Variants in NCOA2 observed in about 807,000 individuals in gnomAD.
The protein encoded by NCOA2 is nuclear receptor coactivator 2.
NCOA2 carries 21 observed loss-of-function variants against 145.1 expected under a neutral mutation model. The ratio of observed to expected loss-of-function variants is 0.14; its 90% CI spans 0.10 to 0.21. NCOA2 has a LOEUF of 0.21. NCOA2 is among the 10% of genes least tolerant of loss of function. The pLI is 1.00. For missense variants in NCOA2, 1,472 were observed against 1,837.6 expected (o/e 0.80, Z 3.64); for synonymous variants, 619 against 637.5 (o/e 0.97, Z 0.44).
intron 2 of NCOA2, among the ~76,000 whole-genome samples, chr8:70,271,611 CAT>C (rs1453712960): frequency 6.6e-6 from 1 of 152,212 alleles, no homozygotes; most frequent in African/African-American, 2.4e-5. Flanking sequence ...CCAGAGCTTA[CAT>C]GTTAGTGCTT....
chr8:70,289,215 T>C (rs1372787152), intron 2 of NCOA2, among the ~76,000 whole-genome samples: 3 of 152,186 alleles, frequency 2.0e-5, no homozygotes, highest in African/African-American at 7.2e-5. Context: ...AAAGGAAGAA[T>C]TAGTAATCTA....
intron 1 of NCOA2, among the ~76,000 whole-genome samples, chr8:70,402,766 G>T (rs1274248395): frequency 6.6e-6 from 1 of 151,686 alleles, no homozygotes; most frequent in East Asian, 1.9e-4. Flanking sequence ...GAACCTCCCG[G>T]TCCGCCTCCC....
intron 1 of NCOA2, among the ~76,000 whole-genome samples, chr8:70,396,665 G>T (rs1015771519): frequency 6.6e-6 from 1 of 152,150 alleles, no homozygotes; most frequent in African/African-American, 2.4e-5. Flanking sequence ...GACTAAAAAA[G>T]CTAGAGACTA....
At chr8:70,360,962 A>G (rs1230017129) in intron 1 of NCOA2, among the ~76,000 whole-genome samples, 3 of 151,594 alleles carry the variant, frequency 2.0e-5, no homozygotes, top group Admixed American at 6.6e-5. Context: ...AAAAAAAAAA[A>G]GTTACTTGTA....
intron 2 of NCOA2, among the ~76,000 whole-genome samples, chr8:70,271,073 G>T (rs941304509): frequency 6.6e-6 from 1 of 152,138 alleles, no homozygotes; most frequent in South Asian, 2.1e-4. Context: ...TAGAGGGGAA[G>T]ATATATGTTG....
chr8:70,159,602 C>T lies in NCOA2; in HGVS notation c.1027G>A (p.Asp343Asn). The T allele has an allele frequency of 6.2e-7, 1 of 1,612,728 alleles. No individual in the cohort carries two copies. The highest frequency in any genetic ancestry group is 8.5e-7 in the Non-Finnish European group (1 of 1,178,990). Residue 343 changes from aspartate (D) to asparagine (N), a missense_variant, in exon 10 of 23, where the codon GAT becomes AAT. This residue lies in a region of NCOA2 where 284 missense variants were observed against 467.8 expected (regional missense o/e 0.61). Transcript: ENST00000452400. Reference sequence around the variant, plus strand: ...GTTTGTGCAGCAACAAGAGTGCCATCAGACAAGGAAAAACGATAGATTTGA... The same window carrying T: ...GTTTGTGCAGCAACAAGAGTGCCATTAGACAAGGAAAAACGATAGATTTGA... ...FSQIYRFSLS[D>N]GTLVAAQTKS... is the part of the protein sequence containing the mutation.
chr8:70,123,772 A>G, intron 21 of NCOA2, 112 bp downstream of exon 21: 1 of 834,586 alleles, frequency 1.2e-6, no homozygotes, highest in Non-Finnish European at 1.8e-6. Flanking sequence ...TCCTCAAAGT[A>G]AATGTGGGAG....
intron 2 of NCOA2, among the ~76,000 whole-genome samples, chr8:70,262,109 A>T (rs1357341797): frequency 6.6e-6 from 1 of 152,156 alleles, no homozygotes; most frequent in Non-Finnish European, 1.5e-5. Flanking sequence ...TCAATATCAA[A>T]GCTTCAAATT....
At chr8:70,334,129 A>T (rs1807352170) in intron 1 of NCOA2, among the ~76,000 whole-genome samples, 2 of 152,102 alleles carry the variant, frequency 1.3e-5, no homozygotes, top group Non-Finnish European at 2.9e-5. Context: ...AACTCAATCA[A>T]ATTTTAACCC....
the NCOA2 span, among the ~76,000 whole-genome samples, chr8:70,435,197 G>A: frequency 4.0e-5 from 6 of 151,474 alleles, no homozygotes; most frequent in East Asian, 2.0e-4. Context: ...AGGCCGAGGC[G>A]GGCGGATCAC....
chr8:70,210,075 T>C (rs1818857019), intron 4 of NCOA2, among the ~76,000 whole-genome samples: 2 of 152,240 alleles, frequency 1.3e-5, no homozygotes, highest in Non-Finnish European at 2.9e-5. Flanking sequence ...AAAGCTGTGA[T>C]GACAGTGCAG....
intron 15 of NCOA2, among the ~76,000 whole-genome samples, chr8:70,137,356 A>C (rs1809852123): frequency 6.6e-6 from 1 of 152,168 alleles, no homozygotes; most frequent in South Asian, 2.1e-4. Flanking sequence ...TTTTTGTTTT[A>C]AGAGAACTCT....
At chr8:70,297,074 G>A (rs550458280) in intron 1 of NCOA2, among the ~76,000 whole-genome samples, 11 of 152,242 alleles carry the variant, frequency 7.2e-5, no homozygotes, top group East Asian at 3.9e-4. Context: ...CTGAGTGGCC[G>A]TCCTTATACT....
At chr8:70,310,883 C>A (rs963796004) in intron 1 of NCOA2, among the ~76,000 whole-genome samples, 6 of 152,154 alleles carry the variant, frequency 3.9e-5, no homozygotes, top group African/African-American at 1.4e-4. Flanking sequence ...TTTCTCTATT[C>A]AAATTTCATA....
At chr8:70,131,800 A>T in intron 16 of NCOA2, 37 bp downstream of exon 16, 1 of 1,559,174 alleles carries the variant, frequency 6.4e-7, no homozygotes, top group Non-Finnish European at 8.7e-7. Flanking sequence ...CGCCCATGAG[A>T]GCGCTTGGCC....
At chr8:70,397,749 AC>A (rs1459218150) in intron 1 of NCOA2, among the ~76,000 whole-genome samples, 1 of 152,236 alleles carries the variant, frequency 6.6e-6, no homozygotes, top group Non-Finnish European at 1.5e-5. Flanking sequence ...AAATATTCAT[AC>A]CTTCATTACA....
chr8:70,283,836 A>G (rs1252233453), intron 2 of NCOA2, among the ~76,000 whole-genome samples: 1 of 152,114 alleles, frequency 6.6e-6, no homozygotes, highest in Non-Finnish European at 1.5e-5. Flanking sequence ...TCCAGTGAGC[A>G]TTTCCTTTTG....
chr8:70,362,041 T>C (rs995174209), intron 1 of NCOA2, among the ~76,000 whole-genome samples: 1 of 152,244 alleles, frequency 6.6e-6, no homozygotes. Context: ...GAGAACAGAA[T>C]TCATTTCCTC....
At chr8:70,435,424 C>CAA in the NCOA2 span, among the ~76,000 whole-genome samples, 600 of 20,126 alleles carry the variant, frequency 0.03, 102 homozygotes, top group African/African-American at 0.071. Flanking sequence ...GACTCCGTCT[C>CAA]AAAAAAAAAA....
Sources: allele counts gnomAD v4.1 joint callset (sites outside exome capture counted in the v4.1 genomes callset), GRCh38; gene constraint gnomAD v4.1.1; regional missense constraint gnomAD v4.1.1; transcripts MANE v1.5; gene names NCBI Gene and HGNC (gene_info 2026-07-23, HGNC 2026-07-21).